TMEM132B: variants seen among roughly 807,000 people sequenced by gnomAD.
The protein encoded by TMEM132B is transmembrane protein 132B.
A neutral mutation model predicts 90.8 loss-of-function variants in TMEM132B; 18 were observed. The observed-to-expected ratio is 0.20, with a 90% CI of 0.14 to 0.29. The LOEUF (loss-of-function observed/expected upper bound fraction) is 0.29, where lower values mean the gene tolerates loss of function less well. Among genes scored for constraint, TMEM132B ranks in the 10% least tolerant of loss-of-function variants. The pLI is 1.00. For synonymous variants in TMEM132B, 504 were observed against 523.3 expected (o/e 0.96, Z 0.50); for missense variants, 1,096 against 1,326.8 (o/e 0.83, Z 2.70).
intron 1 of TMEM132B, among the ~76,000 whole-genome samples, chr12:125,311,117 G>A (rs1593079211): frequency 6.6e-6 from 1 of 152,314 alleles, no homozygotes; most frequent in South Asian, 2.1e-4. Context: ...AAAGGTGGGT[G>A]TGTACTGGGG....
At chr12:125,620,143 C>T (rs1029426333) in intron 5 of TMEM132B, among the ~76,000 whole-genome samples, 2 of 152,348 alleles carry the variant, frequency 1.3e-5, no homozygotes, top group Non-Finnish European at 2.9e-5. Context: ...GGAAATACAT[C>T]TCTTACTTCA....
intron 1 of TMEM132B, among the ~76,000 whole-genome samples, chr12:125,223,875 C>G (rs1873617793): frequency 6.6e-6 from 1 of 152,072 alleles, no homozygotes; most frequent in African/African-American, 2.4e-5. Flanking sequence ...CTCCTGGGTT[C>G]AAGTGATTCT....
In TMEM132B at chr12:125,186,829, C is replaced by G. The variant is rs1957763070; in HGVS notation, c.30C>G (p.Leu10=). The G allele has an allele frequency of 6.6e-6, 1 of 151,816 alleles. No individual in the cohort carries two copies. The allele number at this position is 151,816 out of a possible 1,614,324, so 9.4% of individuals were successfully genotyped here. A position where few individuals can be genotyped will look rare whatever the true frequency, so the allele number is the denominator to read the frequency against. ...CGCCCCCGGGCCGGGCGCCGCCGCT[C>G]GGGCTCCTGCTGGCGCTGACTGCGC... is the stretch of plus-strand genomic sequence containing the variant. MPPPGRAPP[L]GLLLALTALQ... Residue 10 remains leucine, a synonymous_variant, in exon 1 of 9, where the codon CTC becomes CTG. Transcript: ENST00000682704. The surrounding 1 kb of genome is among the most constrained non-coding windows in gnomAD (Gnocchi z 6.3).
chr12:125,279,946 C>G (rs980569052), intron 1 of TMEM132B, among the ~76,000 whole-genome samples: 1 of 152,232 alleles, frequency 6.6e-6, no homozygotes, highest in Non-Finnish European at 1.5e-5. Context: ...TTTTAACACT[C>G]TACATAGATT....
intron 1 of TMEM132B, among the ~76,000 whole-genome samples, chr12:125,271,007 G>T (rs11058109): frequency 0.16 from 24,200 of 151,504 alleles, 2,501 homozygotes; most frequent in African/African-American, 0.29. Context: ...CTGGAGTGCA[G>T]GGGTGCAAGC....
chr12:125,289,644 G>A (rs1446251433), intron 1 of TMEM132B, among the ~76,000 whole-genome samples: 1 of 152,232 alleles, frequency 6.6e-6, no homozygotes. Flanking sequence ...TGCATTACAC[G>A]TGTTAGCACA....
rs565616206 is a variant in TMEM132B at position 125,329,023 on chromosome 12, C to A, written c.68-20429C>A. On this transcript the variant is annotated intron_variant, in intron 1 of 8. Coordinates refer to ENST00000682704, the MANE Select transcript of TMEM132B (RefSeq NM_001366854.1). ...TGAATGTTCGCATTCTCCCCCACCC[C>A]CAAATGTATTTGCTGAAGCCCTAAT... Among the ~76,000 whole-genome samples the A allele has an allele frequency of 1.7e-4, 26 of 152,262 alleles. No individual in the cohort carries two copies. In the South Asian group the frequency reaches 4.8e-3, roughly 28 times the overall value.
At chr12:125,650,988 G>A in intron 7 of TMEM132B, 35 bp downstream of exon 7, 1 of 1,606,398 alleles carries the variant, frequency 6.2e-7, no homozygotes, top group Non-Finnish European at 8.5e-7. Context: ...ACAGCAGTCT[G>A]TGTTGATGAG....
At position 125,212,133 on chromosome 12, in the gene TMEM132B, G is replaced by A. The variant is rs551929606; in HGVS notation, c.67+25267G>A. Among the ~76,000 whole-genome samples, 227 of 152,222 alleles carry A rather than the reference G, an allele frequency of 1.5e-3. 1 individual carries two copies. The highest frequency in any genetic ancestry group is 5.0e-3 in the African/African-American group (206 of 41,526). On this transcript the variant is annotated intron_variant, in intron 1 of 8. Transcript: ENST00000682704. ...CCGGCAGCTTGGGTCCTGACATTTGGTGGGCTTTGCTTTGTGTTCTGCTTT... is the reference window on the plus strand; with the variant it reads ...CCGGCAGCTTGGGTCCTGACATTTGATGGGCTTTGCTTTGTGTTCTGCTTT...
At chr12:125,494,943 C>A (rs1410611116) in intron 3 of TMEM132B, among the ~76,000 whole-genome samples, 1 of 136,224 alleles carries the variant, frequency 7.3e-6, no homozygotes, top group African/African-American at 2.8e-5. Context: ...TCTTCCCCCT[C>A]TTCCCTGAAA....
intron 1 of TMEM132B, among the ~76,000 whole-genome samples, chr12:125,258,726 G>A (rs1171219920): frequency 6.6e-6 from 1 of 152,166 alleles, no homozygotes; most frequent in Non-Finnish European, 1.5e-5. Context: ...CTTGTGGCAT[G>A]GGACGCGGTA....
At chr12:125,595,792 A>G (rs1885425333) in intron 5 of TMEM132B, among the ~76,000 whole-genome samples, 1 of 151,860 alleles carries the variant, frequency 6.6e-6, no homozygotes, top group South Asian at 2.1e-4. Flanking sequence ...CAGGTTCTAG[A>G]CCACTGCATT....
intron 3 of TMEM132B, among the ~76,000 whole-genome samples, chr12:125,470,160 A>G (rs1197370059): frequency 1.3e-5 from 2 of 152,180 alleles, no homozygotes; most frequent in Non-Finnish European, 2.9e-5. Flanking sequence ...ATCTCCTTTC[A>G]AGAGAGAGCT....
At chr12:125,390,786 T>G (rs751561372) in intron 2 of TMEM132B, among the ~76,000 whole-genome samples, 10 of 147,350 alleles carry the variant, frequency 6.8e-5, no homozygotes, top group Middle Eastern at 3.2e-3. Flanking sequence ...TTCAGATGAC[T>G]GCAGCCCCCA....
At chr12:125,491,328 C>T (rs1466308088) in intron 3 of TMEM132B, among the ~76,000 whole-genome samples, 1 of 151,716 alleles carries the variant, frequency 6.6e-6, no homozygotes, top group Non-Finnish European at 1.5e-5. Flanking sequence ...TGGGGTCTCA[C>T]TCTGTTGCCC....
rs140795506 is a variant in TMEM132B, at chr12:125,198,468, T to C, written c.67+11602T>C. Among the ~76,000 whole-genome samples, 235 of 152,350 alleles carry C rather than the reference T, an allele frequency of 1.5e-3. 1 individual carries two copies. Among genetic ancestry groups the C allele is most frequent in the African/African-American group, 4.6e-3 (193 of 41,588 alleles). ...AAGCTGGCCACAGTTGGCTCCAGCC[T>C]GTCCTCCAACCAGCGGAAATAGAAT... On this transcript the variant is annotated intron_variant, in intron 1 of 8. Coordinates refer to ENST00000682704, the MANE Select transcript of TMEM132B (RefSeq NM_001366854.1).
chr12:125,570,222 T>C (rs1884759797), intron 4 of TMEM132B, among the ~76,000 whole-genome samples: 1 of 152,204 alleles, frequency 6.6e-6, no homozygotes, highest in Non-Finnish European at 1.5e-5. Flanking sequence ...AACCTCCATA[T>C]GTACTGAGAG....
At chr12:125,302,480 AGTTTTGGGGTTGTTC>A (rs1470659253) in intron 1 of TMEM132B, among the ~76,000 whole-genome samples, 1 of 152,028 alleles carries the variant, frequency 6.6e-6, no homozygotes, top group East Asian at 1.9e-4. Flanking sequence ...TAAGCCACTG[AGTTTTGGGGTTGTTC>A]GTTATACAGC....
At chr12:125,424,981 C>G (rs1880274441) in intron 3 of TMEM132B, among the ~76,000 whole-genome samples, 1 of 151,974 alleles carries the variant, frequency 6.6e-6, no homozygotes, top group Non-Finnish European at 1.5e-5. Flanking sequence ...GAGATTCCCT[C>G]TAAACAGACT....
Sources: allele counts gnomAD v4.1 joint callset (sites outside exome capture counted in the v4.1 genomes callset), GRCh38; gene constraint gnomAD v4.1.1; non-coding constraint Gnocchi (gnomAD v3.1); transcripts MANE v1.5; gene names NCBI Gene and HGNC (gene_info 2026-07-23, HGNC 2026-07-21).